TBX15: variants seen among roughly 807,000 people sequenced by gnomAD.
The protein encoded by TBX15 is T-box transcription factor 15.
TBX15 carries 18 observed loss-of-function variants against 53.9 expected under a neutral mutation model. That is an observed-to-expected ratio of 0.33 (90% CI 0.23 to 0.49). The LOEUF (loss-of-function observed/expected upper bound fraction) is 0.49. Among genes scored for constraint, TBX15 ranks in the 20% least tolerant of loss-of-function variants. The pLI, the probability that TBX15 is intolerant of heterozygous loss-of-function variation, is 0.98. For missense variants in TBX15, 692 were observed against 749.5 expected (o/e 0.92, Z 0.90); for synonymous variants, 295 against 278.0 (o/e 1.06, Z -0.61).
At chr1:118,943,707 G>A (rs1489878809) in intron 1 of TBX15, among the ~76,000 whole-genome samples, 2 of 152,154 alleles carry the variant, frequency 1.3e-5, no homozygotes, top group Non-Finnish European at 2.9e-5. Context: ...CTTGGAAGCT[G>A]CAGGAAGCCC....
In TBX15 at chr1:118,984,521, T is replaced by A. The variant is rs1188573096; in HGVS notation, c.205+3070A>T. On this transcript the variant is annotated intron_variant, in intron 1 of 7. Transcript: ENST00000369429. ...ATATACTTGCAAGGCCGCAGCAATATACTTGCAAGGCCGCAGCCGGAGCAG... is the reference window on the plus strand; with the variant it reads ...ATATACTTGCAAGGCCGCAGCAATAAACTTGCAAGGCCGCAGCCGGAGCAG... Among the ~76,000 whole-genome samples the A allele has an allele frequency of 2.7e-5, 4 of 150,238 alleles. No individual in the cohort carries two copies. In the East Asian group the frequency reaches 7.7e-4, roughly 29 times the overall value.
intron 1 of TBX15, among the ~76,000 whole-genome samples, chr1:118,945,073 A>AAG (rs1420057745): frequency 6.6e-6 from 1 of 152,202 alleles, no homozygotes; most frequent in Non-Finnish European, 1.5e-5. Context: ...TAGCAGGGGA[A>AAG]AGAGAGGAGA....
chr1:118,977,237 AAGAT>A (rs1347566651), intron 1 of TBX15, among the ~76,000 whole-genome samples: 4 of 152,204 alleles, frequency 2.6e-5, no homozygotes, highest in Admixed American at 1.3e-4. Context: ...AAATGATAAT[AAGAT>A]AGAGTATTTT....
Position 118,884,622 on chromosome 1 carries a change from AAAAC to A in TBX15, c.*106_*109del. 7.3e-7 allele frequency: 1 copy of A among 1,376,588 alleles called. No individual in the cohort carries two copies. Among genetic ancestry groups the A allele is most frequent in the African/African-American group, 1.5e-5 (1 of 67,720 alleles). The allele number at this position is 1,376,588 out of a possible 1,614,324, so 85.3% of individuals were successfully genotyped here. On this transcript the variant is annotated 3_prime_UTR_variant, in exon 8 of 8. Transcript: ENST00000369429. ...TTCGGCCAGAAAAAAAAAAAAAAAA[AAAAC>A]ACGGTTCCTGTTTTTCAAAGACACT...
chr1:118,989,379 C>G (rs906450370), upstream of TBX15: 2 of 152,158 alleles, frequency 1.3e-5, no homozygotes, highest in African/African-American at 4.8e-5. Context: ...CGCCACCGGT[C>G]GAGGACGGCA....
chr1:118,939,642 C>T (rs192810436), intron 1 of TBX15, among the ~76,000 whole-genome samples: 20 of 151,696 alleles, frequency 1.3e-4, no homozygotes, highest in Middle Eastern at 3.4e-3. Context: ...CTCAGCATCA[C>T]GCAATATTCC....
intron 5 of TBX15, among the ~76,000 whole-genome samples, chr1:118,915,558 A>C (rs1426637106): frequency 3.3e-5 from 5 of 152,246 alleles, no homozygotes; most frequent in African/African-American, 1.2e-4. Context: ...TTTATAGACC[A>C]TAGCAGGAGT....
intron 1 of TBX15, among the ~76,000 whole-genome samples, chr1:118,946,885 T>G (rs1571197081): frequency 6.6e-6 from 1 of 152,248 alleles, no homozygotes; most frequent in East Asian, 1.9e-4. Flanking sequence ...TTGCTGCTTT[T>G]ACTCTGGTTC....
Position 118,883,968 on chromosome 1 carries a change from T to C in TBX15, c.*764A>G, listed in dbSNP as rs139714258. On this transcript the variant is annotated 3_prime_UTR_variant, in exon 8 of 8. Coordinates refer to ENST00000369429, the MANE Select transcript of TBX15 (RefSeq NM_001330677.2). ...TGTTCTCTATTCTTTCTGTTTGTCTTTCTCCTGTTCAGCTTCTCTTTCTCC... is the reference window on the plus strand; with the variant it reads ...TGTTCTCTATTCTTTCTGTTTGTCTCTCTCCTGTTCAGCTTCTCTTTCTCC... 713 of 152,978 alleles carry C rather than the reference T, an allele frequency of 4.7e-3. 28 individuals are homozygous for C. Among genetic ancestry groups the C allele is most frequent in the Admixed American group, 0.031 (475 of 15,310 alleles). The allele number at this position is 152,978 out of a possible 1,614,324, so 9.5% of individuals were successfully genotyped here. A position where few individuals can be genotyped will look rare whatever the true frequency, so the allele number is the denominator to read the frequency against.
chr1:118,923,376 T>G (rs1039849347), intron 5 of TBX15, 60 bp downstream of exon 5: 2 of 1,602,556 alleles, frequency 1.2e-6, no homozygotes, highest in South Asian at 2.2e-5. Context: ...ACCTAAGGAA[T>G]CTTATGCAGA....
intron 1 of TBX15, among the ~76,000 whole-genome samples, chr1:118,934,050 G>A (rs181737728): frequency 3.3e-5 from 5 of 152,124 alleles, no homozygotes; most frequent in Admixed American, 1.3e-4. Context: ...TTGGGACTAC[G>A]GCTAGAGAAT....
chr1:118,923,218 C>T (rs1279056646), intron 5 of TBX15, among the ~76,000 whole-genome samples: 3 of 152,106 alleles, frequency 2.0e-5, no homozygotes, highest in Non-Finnish European at 4.4e-5. Context: ...TAAAGCTCTT[C>T]TTCTATTTTA....
chr1:118,941,415 A>T (rs968433277), intron 1 of TBX15, among the ~76,000 whole-genome samples: 8 of 152,228 alleles, frequency 5.3e-5, no homozygotes, highest in African/African-American at 7.2e-5. Context: ...AGTTTCAAAG[A>T]TGTAAGTAGG....
At chr1:118,902,166 A>G (rs1654653352) in intron 6 of TBX15, among the ~76,000 whole-genome samples, 1 of 152,090 alleles carries the variant, frequency 6.6e-6, no homozygotes, top group Non-Finnish European at 1.5e-5. Flanking sequence ...TATTGATTTT[A>G]TTTATGTATT....
At chr1:118,917,396 C>A (rs1655274531) in intron 5 of TBX15, among the ~76,000 whole-genome samples, 1 of 152,050 alleles carries the variant, frequency 6.6e-6, no homozygotes, top group Non-Finnish European at 1.5e-5. Context: ...GGGAAGGGAA[C>A]AATACACACT....
At chr1:118,973,563 C>T (rs1047653808) in intron 1 of TBX15, among the ~76,000 whole-genome samples, 2 of 152,088 alleles carry the variant, frequency 1.3e-5, no homozygotes, top group Non-Finnish European at 2.9e-5. Flanking sequence ...TTTTCATTCT[C>T]AGCACTGGCC....
chr1:118,892,246 G>C (rs2101462464), intron 7 of TBX15, among the ~76,000 whole-genome samples: 1 of 152,264 alleles, frequency 6.6e-6, no homozygotes, highest in East Asian at 1.9e-4. Flanking sequence ...AATAAGAACA[G>C]GCTAAACAAT....
At position 118,883,528 on chromosome 1, in the gene TBX15, C is replaced by T. The variant is rs1653802818; in HGVS notation, c.*1204G>A. On this transcript the variant is annotated 3_prime_UTR_variant, in exon 8 of 8. Transcript: ENST00000369429. ...GGGATAGCGGGCAGGCATTCTAGGT[C>T]AGGTGTCTGGATCCGGCACCTGGAG... 6.6e-6 allele frequency: 1 copy of T among 152,212 alleles called. No individual in the cohort carries two copies. The highest frequency in any genetic ancestry group is 2.4e-5 in the African/African-American group (1 of 41,456). The allele number at this position is 152,212 out of a possible 1,614,324, so 9.4% of individuals were successfully genotyped here. A position where few individuals can be genotyped will look rare whatever the true frequency, so the allele number is the denominator to read the frequency against.
At chr1:118,901,823 A>G (rs2101515033) in intron 6 of TBX15, among the ~76,000 whole-genome samples, 1 of 152,286 alleles carries the variant, frequency 6.6e-6, no homozygotes, top group Non-Finnish European at 1.5e-5. Context: ...CATTTCCCAC[A>G]AGGAGTCCAC....
Sources: allele counts gnomAD v4.1 joint callset (sites outside exome capture counted in the v4.1 genomes callset), GRCh38; gene constraint gnomAD v4.1.1; transcripts MANE v1.5; gene names NCBI Gene and HGNC (gene_info 2026-07-23, HGNC 2026-07-21).